HDAC9: variants seen among roughly 807,000 people sequenced by gnomAD.
The protein encoded by HDAC9 is MEF-2 interacting transcription repressor (MITR) protein.
HDAC9 carries 41 observed loss-of-function variants against 139.4 expected under a neutral mutation model. The observed-to-expected ratio is 0.29, with a 90% CI of 0.23 to 0.38. The LOEUF (loss-of-function observed/expected upper bound fraction) is 0.38, where lower values mean the gene tolerates loss of function less well. Ranked by LOEUF, HDAC9 falls within the 10% of genes least tolerant of loss-of-function variation. The pLI, the probability that HDAC9 is intolerant of heterozygous loss-of-function variation, is 1.00. For missense variants in HDAC9, 1,147 were observed against 1,297.0 expected (o/e 0.88, Z 1.78); for synonymous variants, 517 against 476.2 (o/e 1.09, Z -1.12).
intron 2 of HDAC9, among the ~76,000 whole-genome samples, chr7:18,508,184 A>G (rs536816125): frequency 1.3e-5 from 2 of 152,348 alleles, no homozygotes; most frequent in African/African-American, 4.8e-5. Flanking sequence ...TTAAGGTGAA[A>G]TAAGAGAATG....
intron 1 of HDAC9, among the ~76,000 whole-genome samples, chr7:18,409,287 G>T (rs773827854): frequency 2.6e-5 from 4 of 152,154 alleles, no homozygotes; most frequent in Non-Finnish European, 5.9e-5. Context: ...AGAGATGTAA[G>T]TTCCTGTGCT....
intron 2 of HDAC9, among the ~76,000 whole-genome samples, chr7:18,232,409 C>G (rs1236420868): frequency 6.6e-6 from 1 of 152,172 alleles, no homozygotes; most frequent in African/African-American, 2.4e-5. Context: ...TCCCAAGCCT[C>G]CACATCTTAG....
At chr7:18,192,219 G>A (rs1015306859) in intron 2 of HDAC9, among the ~76,000 whole-genome samples, 6 of 152,078 alleles carry the variant, frequency 3.9e-5, no homozygotes, top group African/African-American at 1.4e-4. Flanking sequence ...ATTTCAGGGA[G>A]CAAATCCTTT....
At chr7:18,120,924 C>T (rs1284948992) in intron 1 of HDAC9, among the ~76,000 whole-genome samples, 1 of 152,134 alleles carries the variant, frequency 6.6e-6, no homozygotes, top group South Asian at 2.1e-4. Context: ...TGAGAGTTTA[C>T]TTCCACACTG....
intron 2 of HDAC9, among the ~76,000 whole-genome samples, chr7:18,503,165 G>T (rs1023666511): frequency 6.6e-6 from 1 of 152,168 alleles, no homozygotes; most frequent in African/African-American, 2.4e-5. Flanking sequence ...TCAAAAATAT[G>T]TTGGCCTCTG....
intron 2 of HDAC9, among the ~76,000 whole-genome samples, chr7:18,505,199 T>C (rs1047253541): frequency 6.6e-6 from 1 of 152,220 alleles, no homozygotes; most frequent in African/African-American, 2.4e-5. Context: ...GGCACCTGTT[T>C]GCCAGTGTTC....
intron 1 of HDAC9, among the ~76,000 whole-genome samples, chr7:18,381,440 A>G (rs1212292433): frequency 1.3e-5 from 2 of 152,000 alleles, no homozygotes; most frequent in Non-Finnish European, 2.9e-5. Flanking sequence ...TTACGTAAGA[A>G]AATCACGGGA....
intron 1 of HDAC9, among the ~76,000 whole-genome samples, chr7:18,371,790 G>T (rs1784614063): frequency 6.6e-6 from 1 of 152,124 alleles, no homozygotes; most frequent in African/African-American, 2.4e-5. Context: ...CTGATATGAT[G>T]CTGTGGGCAA....
At chr7:18,406,194 A>T (rs992126846) in intron 1 of HDAC9, among the ~76,000 whole-genome samples, 2 of 152,220 alleles carry the variant, frequency 1.3e-5, no homozygotes, top group Admixed American at 6.5e-5. Flanking sequence ...GATTCAAAAT[A>T]ATATGACTTT....
At chr7:18,391,156 G>C (rs1460368130) in intron 1 of HDAC9, among the ~76,000 whole-genome samples, 1 of 151,932 alleles carries the variant, frequency 6.6e-6, no homozygotes, top group East Asian at 1.9e-4. Flanking sequence ...AGGCTGAGGT[G>C]AGCAGATCAC....
chr7:18,567,378 C>T (rs1822715701), intron 2 of HDAC9, among the ~76,000 whole-genome samples: 2 of 152,188 alleles, frequency 1.3e-5, no homozygotes. Flanking sequence ...GTTGTTCTCT[C>T]ATTTCTTTTG....
At chr7:18,767,469 G>T (rs1338649479) in intron 16 of HDAC9, among the ~76,000 whole-genome samples, 5 of 152,138 alleles carry the variant, frequency 3.3e-5, no homozygotes, top group Non-Finnish European at 7.4e-5. Flanking sequence ...TTATATAGCT[G>T]GAGAAAAGGT....
At chr7:18,189,595 A>G (rs573373373) in intron 2 of HDAC9, among the ~76,000 whole-genome samples, 4 of 152,282 alleles carry the variant, frequency 2.6e-5, no homozygotes, top group Non-Finnish European at 4.4e-5. Context: ...CTTGTGGGGC[A>G]TGGTAAGACT....
intron 6 of HDAC9, among the ~76,000 whole-genome samples, chr7:18,625,541 G>A (rs1009305771): frequency 3.9e-5 from 6 of 152,160 alleles, no homozygotes; most frequent in Admixed American, 3.9e-4. Context: ...GACCAAAAAT[G>A]TGTCCAGATA....
chr7:18,808,422 A>T (rs1441537509), intron 17 of HDAC9: 1 of 152,204 alleles, frequency 6.6e-6, no homozygotes, highest in Non-Finnish European at 1.5e-5. Flanking sequence ...ATGTATAGAA[A>T]ACCCTAAAGA....
chr7:18,685,891 G>A lies in HDAC9; in HGVS notation c.1731+19415G>A, dbSNP rs183562047. 2.0e-5 allele frequency among the ~76,000 whole-genome samples: 3 copies of A among 151,938 alleles called. 1 individual carries two copies. Among genetic ancestry groups the A allele is most frequent in the African/African-American group, 7.2e-5 (3 of 41,478 alleles). ...GAATGGCAAAATTTTATTGTTGGTAGGAATGTTAGATAATGACAACAATAA... is the reference window on the plus strand; with the variant it reads ...GAATGGCAAAATTTTATTGTTGGTAAGAATGTTAGATAATGACAACAATAA... On this transcript the variant is annotated intron_variant, in intron 12 of 25. Coordinates refer to ENST00000686413, the MANE Select transcript of HDAC9 (RefSeq NM_178425.4).
At chr7:18,981,551 C>G (rs1784950798) in intron 25 of HDAC9, among the ~76,000 whole-genome samples, 1 of 152,160 alleles carries the variant, frequency 6.6e-6, no homozygotes, top group Non-Finnish European at 1.5e-5. Flanking sequence ...GGTTTCCTTG[C>G]CTTTTCCATC....
At chr7:18,888,764 A>G in intron 22 of HDAC9, among the ~76,000 whole-genome samples, 1 of 152,228 alleles carries the variant, frequency 6.6e-6, no homozygotes, top group Non-Finnish European at 1.5e-5. Context: ...TTAATGATAG[A>G]AGTGAAAAAG....
chr7:18,505,122 C>T (rs1408241215), intron 2 of HDAC9, among the ~76,000 whole-genome samples: 1 of 152,164 alleles, frequency 6.6e-6, no homozygotes, highest in Non-Finnish European at 1.5e-5. Flanking sequence ...GGAAACCAAG[C>T]TTCTATGAGC....
Sources: gnomAD v4.1 joint callset for allele counts (sites outside exome capture counted in the v4.1 genomes callset) on GRCh38, gnomAD v4.1.1 for gene constraint, MANE v1.5 for transcripts, NCBI Gene and HGNC (gene_info 2026-07-23, HGNC 2026-07-21) for gene names.